The following DAB1 variants were observed in gnomAD, a reference collection of about 807,000 sequenced individuals.
The protein encoded by DAB1 is DAB adaptor protein 1, also known as disabled homolog 1.
A neutral mutation model predicts 64.6 loss-of-function variants in DAB1; 15 were observed. The observed-to-expected ratio is 0.23, with a 90% CI of 0.16 to 0.36. The LOEUF is 0.36. Among genes scored for constraint, DAB1 ranks in the 10% least tolerant of loss-of-function variants. DAB1 has a pLI of 1.00. For missense variants in DAB1, 596 were observed against 706.7 expected, an observed-to-expected ratio of 0.84 and a Z score of 1.78; for synonymous variants, 235 against 251.9, an observed-to-expected ratio of 0.93 and a Z score of 0.64.
chr1:57,677,034 G>A (rs1190244427), intron 6 of DAB1, among the ~76,000 whole-genome samples: 1 of 152,150 alleles, frequency 6.6e-6, no homozygotes, highest in African/African-American at 2.4e-5. Context: ...GGTTAAGTGA[G>A]GTCATAAGGG....
At position 57,208,725 on chromosome 1, in the gene DAB1, C is replaced by T. The variant is rs574149578; in HGVS notation, c.68-63296G>A. On this transcript the variant is annotated intron_variant, in intron 2 of 14. Transcript: ENST00000371236. ...GTGATTTTAATGCATTTTCTTTCTC[C>T]AGTTTACATGATACACCTATTTATT... Among the ~76,000 whole-genome samples, 117 of 152,256 alleles carry T rather than the reference C, an allele frequency of 7.7e-4. 1 individual carries two copies. Among genetic ancestry groups the T allele is most frequent in the African/African-American group, 2.5e-3 (103 of 41,548 alleles).
At chr1:57,014,854 G>A in intron 12 of DAB1, 29 bp downstream of exon 12, 1 of 1,520,674 alleles carries the variant, frequency 6.6e-7, no homozygotes, top group Non-Finnish European at 8.8e-7. Context: ...CTCTCATTGG[G>A]TTTTATGTCT....
chr1:58,186,783 G>C (rs2225949), intron 4 of DAB1, among the ~76,000 whole-genome samples: 43,834 of 152,000 alleles, frequency 0.29, 6,692 homozygotes, highest in South Asian at 0.45. Context: ...TTGGTTGACG[G>C]AATTGGGCCA....
intron 3 of DAB1, among the ~76,000 whole-genome samples, chr1:58,414,173 T>C (rs1644695488): frequency 6.6e-6 from 1 of 152,244 alleles, no homozygotes; most frequent in African/African-American, 2.4e-5. Flanking sequence ...TCTAATGTGA[T>C]GTATGACTGT....
intron 1 of DAB1, among the ~76,000 whole-genome samples, chr1:57,375,360 C>T (rs138785410): frequency 1.3e-5 from 2 of 152,256 alleles, no homozygotes; most frequent in African/African-American, 4.8e-5. Context: ...AACTCACTTG[C>T]TCAGGTAATA....
intron 4 of DAB1, among the ~76,000 whole-genome samples, chr1:58,171,792 C>A (rs1215308060): frequency 6.6e-6 from 1 of 152,182 alleles, no homozygotes. Context: ...CTTTTGGCTG[C>A]CAATTTGGAA....
intron 5 of DAB1, among the ~76,000 whole-genome samples, chr1:57,952,935 A>G (rs1645309197): frequency 6.6e-6 from 1 of 152,130 alleles, no homozygotes; most frequent in African/African-American, 2.4e-5. Flanking sequence ...CACCGATCAT[A>G]ATCACTTTTC....
chr1:58,034,878 A>G (rs1339786845), intron 5 of DAB1, among the ~76,000 whole-genome samples: 1 of 152,182 alleles, frequency 6.6e-6, no homozygotes, highest in Non-Finnish European at 1.5e-5. Flanking sequence ...TATCTGCAAA[A>G]CAGCCATCAA....
chr1:58,520,868 A>C (rs2100451767), intron 2 of DAB1, among the ~76,000 whole-genome samples: 1 of 152,346 alleles, frequency 6.6e-6, no homozygotes, highest in African/African-American at 2.4e-5. Flanking sequence ...ATGAAATATT[A>C]CCAAACCTCT....
At chr1:57,319,364 C>T (rs1465345268) in intron 1 of DAB1, among the ~76,000 whole-genome samples, 1 of 149,134 alleles carries the variant, frequency 6.7e-6, no homozygotes, top group Non-Finnish European at 1.5e-5. Flanking sequence ...ATGAACAAAT[C>T]GCTGCCTCTT....
intron 5 of DAB1, among the ~76,000 whole-genome samples, chr1:58,132,289 G>C (rs985725641): frequency 6.6e-6 from 1 of 152,178 alleles, no homozygotes; most frequent in East Asian, 1.9e-4. Context: ...CGCTTCCCAA[G>C]TGAGGCAATG....
At chr1:58,323,264 AAT>A (rs1569641941) in intron 4 of DAB1, among the ~76,000 whole-genome samples, 25 of 148,430 alleles carry the variant, frequency 1.7e-4, no homozygotes, top group Admixed American at 1.1e-3. Context: ...TAATAATAAT[AAT>A]AAAATATTCA....
chr1:57,391,458 A>G (rs938427125), intron 1 of DAB1, among the ~76,000 whole-genome samples: 2 of 152,074 alleles, frequency 1.3e-5, no homozygotes. Context: ...TTTAAGGTCT[A>G]CCTCCCTGCT....
intron 1 of DAB1, among the ~76,000 whole-genome samples, chr1:57,297,807 T>A (rs555591697): frequency 2.6e-5 from 4 of 152,328 alleles, no homozygotes; most frequent in African/African-American, 9.6e-5. Context: ...CTAGATGGCA[T>A]ACTTTCTAAT....
At chr1:57,486,473 C>G (rs977490643) in intron 7 of DAB1, among the ~76,000 whole-genome samples, 1 of 152,116 alleles carries the variant, frequency 6.6e-6, no homozygotes, top group African/African-American at 2.4e-5. Flanking sequence ...ATAGTTTGTA[C>G]CTGTTGTTTT....
intron 7 of DAB1, among the ~76,000 whole-genome samples, chr1:57,459,705 C>A (rs946298905): frequency 6.6e-6 from 1 of 152,194 alleles, no homozygotes; most frequent in Admixed American, 6.5e-5. Context: ...CGATCCAAAG[C>A]AAATTACATA....
At chr1:58,041,479 T>C (rs1570267047) in intron 5 of DAB1, among the ~76,000 whole-genome samples, 1 of 152,198 alleles carries the variant, frequency 6.6e-6, no homozygotes, top group South Asian at 2.1e-4. Context: ...AAGGTCTATA[T>C]ACTCTCATTT....
At chr1:57,658,688 G>A (rs1021891079) in intron 6 of DAB1, among the ~76,000 whole-genome samples, 2 of 152,002 alleles carry the variant, frequency 1.3e-5, no homozygotes, top group African/African-American at 4.8e-5. Context: ...TCAGCCTCCC[G>A]AGTAGCTGGG....
intron 2 of DAB1, among the ~76,000 whole-genome samples, chr1:58,526,811 T>C (rs1314592295): frequency 1.3e-5 from 2 of 152,042 alleles, no homozygotes; most frequent in Non-Finnish European, 2.9e-5. Context: ...GGGTAAAATA[T>C]TGGAGTACTG....
Sources: gnomAD v4.1 joint callset for allele counts (sites outside exome capture counted in the v4.1 genomes callset) on GRCh38, gnomAD v4.1.1 for gene constraint, MANE v1.5 for transcripts, NCBI Gene and HGNC (gene_info 2026-07-23, HGNC 2026-07-21) for gene names.